ALCAM: variants seen among roughly 807,000 people sequenced by gnomAD.
ALCAM encodes activated leukocyte cell adhesion molecule.
ALCAM carries 30 observed loss-of-function variants against 70.9 expected under a neutral mutation model. The observed-to-expected ratio is 0.42, with a 90% CI of 0.32 to 0.57. ALCAM has a LOEUF of 0.57. Ranked by LOEUF, ALCAM falls within the 20% of genes least tolerant of loss-of-function variation. ALCAM has a pLI of 0.11. For synonymous variants in ALCAM, 249 were observed against 242.5 expected, an observed-to-expected ratio of 1.03 and a Z score of -0.25; for missense variants, 591 against 695.1, an observed-to-expected ratio of 0.85 and a Z score of 1.68.
intron 1 of ALCAM, among the ~76,000 whole-genome samples, chr3:105,490,791 A>C (rs1274423081): frequency 6.6e-6 from 1 of 152,150 alleles, no homozygotes; most frequent in Admixed American, 6.6e-5. Context: ...GTGGCTTTGC[A>C]GGGTATGGCC....
chr3:105,414,081 G>A (rs866229943), intron 1 of ALCAM, among the ~76,000 whole-genome samples: 4 of 151,914 alleles, frequency 2.6e-5, no homozygotes, highest in Non-Finnish European at 4.4e-5. Flanking sequence ...GTTAATTTAC[G>A]GTTGTCAGTA....
chr3:105,380,097 A>T (rs1201250597), intron 1 of ALCAM, among the ~76,000 whole-genome samples: 1 of 151,976 alleles, frequency 6.6e-6, no homozygotes, highest in Admixed American at 6.6e-5. Flanking sequence ...AAAATCTTTT[A>T]AAATTACTCT....
intron 1 of ALCAM, among the ~76,000 whole-genome samples, chr3:105,455,441 C>CAA (rs66472811): frequency 1.7e-4 from 21 of 126,456 alleles, no homozygotes; most frequent in South Asian, 1.3e-3. Context: ...GACACCGTCT[C>CAA]AAAAAAAAAA....
At chr3:105,492,020 AT>A (rs1938600368) in intron 1 of ALCAM, among the ~76,000 whole-genome samples, 1 of 152,166 alleles carries the variant, frequency 6.6e-6, no homozygotes, top group Non-Finnish European at 1.5e-5. Context: ...AGACTGGATA[AT>A]TTATAAAGGA....
chr3:105,426,424 A>G (rs1334708442), intron 1 of ALCAM, among the ~76,000 whole-genome samples: 1 of 151,960 alleles, frequency 6.6e-6, no homozygotes, highest in South Asian at 2.1e-4. Flanking sequence ...GTTTTGATAA[A>G]TGTATAAATT....
intron 1 of ALCAM, among the ~76,000 whole-genome samples, chr3:105,370,739 A>G (rs1374963288): frequency 6.6e-6 from 1 of 151,902 alleles, no homozygotes; most frequent in Non-Finnish European, 1.5e-5. Flanking sequence ...GAAAAAAAAA[A>G]GCGTGAAGGA....
Position 105,562,246 on chromosome 3 carries a change from AC to A in ALCAM, c.1665-9605del, listed in dbSNP as rs1940643654. Among the ~76,000 whole-genome samples the A allele has an allele frequency of 2.0e-5, 3 of 152,232 alleles. No homozygotes were observed. In the South Asian group the frequency reaches 6.2e-4, roughly 31 times the overall value. Reference sequence around the variant, plus strand: ...AGATGTTGCCTCCCAGAAACTGAAAACAAAGGTCAGATATCTCTTTGGATGA... The same window carrying A: ...AGATGTTGCCTCCCAGAAACTGAAAAAAAGGTCAGATATCTCTTTGGATGA... On this transcript the variant is annotated intron_variant, in intron 14 of 15. Coordinates refer to ENST00000306107, the MANE Select transcript of ALCAM (RefSeq NM_001627.4).
intron 1 of ALCAM, among the ~76,000 whole-genome samples, chr3:105,481,708 T>C (rs184382782): frequency 6.6e-6 from 1 of 152,306 alleles, no homozygotes; most frequent in Non-Finnish European, 1.5e-5. Flanking sequence ...TATTACATTA[T>C]GTGAATTAAG....
chr3:105,516,114 ACTGT>A lies in ALCAM; in HGVS notation c.74-3950_74-3947del, dbSNP rs535149127. 1.9e-3 allele frequency among the ~76,000 whole-genome samples: 285 copies of A among 151,998 alleles called. 1 individual carries two copies. Among genetic ancestry groups the A allele is most frequent in the African/African-American group, 6.3e-3 (261 of 41,524 alleles). ...GCTAAATTACAGCATGTGAAAATAGACTGTCTAATTCTCATTCTATTTTCTGTAT... is the reference window on the plus strand; with the variant it reads ...GCTAAATTACAGCATGTGAAAATAGACTAATTCTCATTCTATTTTCTGTAT... On this transcript the variant is annotated intron_variant, in intron 1 of 15. Coordinates refer to ENST00000306107, the MANE Select transcript of ALCAM (RefSeq NM_001627.4).
chr3:105,533,640 G>A lies in ALCAM; in HGVS notation c.497G>A (p.Gly166Asp). 6.2e-7 allele frequency: 1 copy of A among 1,611,954 alleles called. No individual in the cohort carries two copies. The highest frequency in any genetic ancestry group is 8.5e-7 in the Non-Finnish European group (1 of 1,178,504). The change falls in exon 5 of 16, where the codon GGC becomes GAC. Residue 166 changes from glycine (G) to aspartate (D), a missense_variant. Gly to Asp is a moderately conservative substitution (Grantham distance 94). This residue lies in a region of ALCAM where 427 missense variants were observed against 450.4 expected (regional missense o/e 0.95). Transcript: ENST00000306107. ...ATTTCAGAAGACAGTTATCCAGATG[G>A]CAATATCACATGGTACAGGAATGGA... Reference protein sequence around the residue: ...DCISEDSYPDGNITWYRNGKV... With the variant: ...DCISEDSYPDDNITWYRNGKV...
intron 1 of ALCAM, among the ~76,000 whole-genome samples, chr3:105,418,733 T>C (rs1363479625): frequency 6.6e-6 from 1 of 151,804 alleles, no homozygotes; most frequent in Non-Finnish European, 1.5e-5. Flanking sequence ...GGGTGAAATA[T>C]GCTTTTAAAA....
chr3:105,385,398 C>A (rs1327998663), intron 1 of ALCAM, among the ~76,000 whole-genome samples: 4 of 151,404 alleles, frequency 2.6e-5, no homozygotes, highest in African/African-American at 9.7e-5. Flanking sequence ...GACCTCTCTT[C>A]AGAGAGGAAA....
At chr3:105,432,260 AT>A (rs1008389891) in intron 1 of ALCAM, among the ~76,000 whole-genome samples, 1 of 152,148 alleles carries the variant, frequency 6.6e-6, no homozygotes, top group African/African-American at 2.4e-5. Flanking sequence ...ATCAAATCCT[AT>A]TTTTTTCTGT....
chr3:105,517,219 T>A (rs1939407771), intron 1 of ALCAM, among the ~76,000 whole-genome samples: 1 of 151,866 alleles, frequency 6.6e-6, no homozygotes, highest in Admixed American at 6.6e-5. Flanking sequence ...AACTTGGGAG[T>A]CAGTATACTC....
intron 1 of ALCAM, among the ~76,000 whole-genome samples, chr3:105,402,841 G>A (rs1017902284): frequency 6.6e-6 from 1 of 151,818 alleles, no homozygotes; most frequent in African/African-American, 2.4e-5. Flanking sequence ...TCTCCTGGGA[G>A]CCCTATAGCC....
At chr3:105,439,430 T>C (rs899797184) in intron 1 of ALCAM, 1 of 152,094 alleles carries the variant, frequency 6.6e-6, no homozygotes, top group African/African-American at 2.4e-5. Flanking sequence ...AAACCTCCTA[T>C]GTTAGTTTCT....
chr3:105,390,956 A>G (rs1445091150), intron 1 of ALCAM, among the ~76,000 whole-genome samples: 1 of 151,692 alleles, frequency 6.6e-6, no homozygotes, highest in African/African-American at 2.4e-5. Flanking sequence ...TGGTCTATGT[A>G]TCTATTTTGG....
At chr3:105,375,182 C>T (rs915151325) in intron 1 of ALCAM, among the ~76,000 whole-genome samples, 1 of 152,104 alleles carries the variant, frequency 6.6e-6, no homozygotes, top group Non-Finnish European at 1.5e-5. Context: ...GCTTAATATG[C>T]ATATTATTAG....
At chr3:105,430,312 T>C (rs571588483) in intron 1 of ALCAM, among the ~76,000 whole-genome samples, 35 of 152,204 alleles carry the variant, frequency 2.3e-4, no homozygotes, top group Non-Finnish European at 4.4e-4. Flanking sequence ...ATGTCCTTTT[T>C]CTGTGACATT....
Sources: gnomAD v4.1 joint callset for allele counts (sites outside exome capture counted in the v4.1 genomes callset) on GRCh38, gnomAD v4.1.1 for gene constraint, gnomAD v4.1.1 regional missense constraint, MANE v1.5 for transcripts, NCBI Gene and HGNC (gene_info 2026-07-23, HGNC 2026-07-21) for gene names.